The following LAYN variants were observed in gnomAD, a reference collection of about 807,000 sequenced individuals.
The protein encoded by LAYN is layilin.
Under a neutral mutation model 43.6 loss-of-function variants are expected in LAYN, and 38 were observed. The ratio of observed to expected loss-of-function variants is 0.87; its 90% CI spans 0.67 to 1.14. LAYN has a LOEUF of 1.14. LAYN is among the 50% of genes most tolerant of loss of function. The probability of loss-of-function intolerance (pLI) is 0.00; values close to 1 mark genes in which losing one functional copy is unlikely to be tolerated. For synonymous variants in LAYN, 168 were observed against 172.9 expected (o/e 0.97, Z 0.22); for missense variants, 479 against 463.8 (o/e 1.03, Z -0.30).
rs1397369978 is a variant in LAYN, at chr11:111,560,156, C to A, written c.823C>A (p.Gln275Lys). Residue 275 changes from glutamine to lysine, a missense_variant, in exon 7 of 7, where the codon CAG becomes AAG. Physicochemically the swap from Gln to Lys is moderately conservative, Grantham distance 53. Coordinates refer to ENST00000375614, the MANE Select transcript of LAYN (RefSeq NM_178834.5). ...KQHTIWPSPHQGNSPDLEVYN... is the reference protein window; with the variant it reads ...KQHTIWPSPHKGNSPDLEVYN... ...ACACACCATCTGGCCCTCTCCTCACCAGGGAAACAGCCCGGACCTAGAGGT... is the reference window on the plus strand; with the variant it reads ...ACACACCATCTGGCCCTCTCCTCACAAGGGAAACAGCCCGGACCTAGAGGT... The A allele has an allele frequency of 6.2e-7, 1 of 1,614,160 alleles. No homozygotes were observed. The highest frequency in any genetic ancestry group is 1.1e-5 in the South Asian group (1 of 91,076).
intron 3 of LAYN, chr11:111,551,518 G>T: frequency 2.3e-6 from 1 of 432,384 alleles, no homozygotes; most frequent in Non-Finnish European, 4.6e-6. Context: ...ACCTTAGCAT[G>T]CCAGAAGAGG....
At chr11:111,543,623 C>T (rs1376334484) in intron 1 of LAYN, among the ~76,000 whole-genome samples, 3 of 152,200 alleles carry the variant, frequency 2.0e-5, no homozygotes. Context: ...AACCATAAAT[C>T]TTCATCTACT....
chr11:111,557,698 T>G (rs1187441237), intron 6 of LAYN, 55 bp downstream of exon 6: 1 of 1,386,926 alleles, frequency 7.2e-7, no homozygotes, highest in African/African-American at 1.4e-5. Flanking sequence ...CTTTGAGATT[T>G]GGATATTGCC....
intron 3 of LAYN, among the ~76,000 whole-genome samples, chr11:111,551,945 T>C (rs188294645): frequency 1.3e-5 from 2 of 152,230 alleles, no homozygotes. Flanking sequence ...CAAAAATCTT[T>C]AGGAGTAAAG....
rs1342380470 is a variant in LAYN at position 111,561,463 on chromosome 11, T to G, written c.*1005T>G. 6.6e-6 allele frequency: 1 copy of G among 152,248 alleles called. No individual in the cohort carries two copies. The highest frequency in any genetic ancestry group is 2.1e-4 in the South Asian group (1 of 4,836). The allele number at this position is 152,248 out of a possible 1,614,324, so 9.4% of individuals were successfully genotyped here. A position where few individuals can be genotyped will look rare whatever the true frequency, so the allele number is the denominator to read the frequency against. ...TACTACACGTTGTTCTGTTTGCATG[T>G]TTGTTACTGCAGCATCAACATAACA... On this transcript the variant is annotated 3_prime_UTR_variant, in exon 7 of 7. Transcript: ENST00000375614.
chr11:111,561,501 A>G lies in LAYN; in HGVS notation c.*1043A>G, dbSNP rs1188256583. The G allele has an allele frequency of 1.3e-5, 2 of 152,214 alleles. No homozygotes were observed. Among genetic ancestry groups the G allele is most frequent in the Admixed American group, 6.5e-5 (1 of 15,288 alleles). 9.4% of individuals were successfully genotyped at this position (152,214 alleles called of 1,614,324 possible). A position where few individuals can be genotyped will look rare whatever the true frequency, so the allele number is the denominator to read the frequency against. ...CATCAACATAACATGACTAATAATG[A>G]TGACAGTTCTACCTTTTGTTGACAG... On this transcript the variant is annotated 3_prime_UTR_variant, in exon 7 of 7. Transcript: ENST00000375614.
At chr11:111,541,053 C>T (rs1165871988) in intron 1 of LAYN, 125 bp downstream of exon 1, 1 of 851,004 alleles carries the variant, frequency 1.2e-6, no homozygotes, top group Non-Finnish European at 1.8e-6. Context: ...CACTCCCAGA[C>T]GCAGCCCTTC....
intron 2 of LAYN, among the ~76,000 whole-genome samples, chr11:111,549,167 G>A (rs1302512038): frequency 1.3e-5 from 2 of 152,184 alleles, no homozygotes; most frequent in Non-Finnish European, 2.9e-5. Flanking sequence ...ACTTCCCAGG[G>A]CTGAAAAGGC....
intron 3 of LAYN, among the ~76,000 whole-genome samples, chr11:111,553,713 T>TACACACAC (rs1491119090): frequency 6.8e-5 from 6 of 87,988 alleles, no homozygotes; most frequent in African/African-American, 2.4e-4. Flanking sequence ...TTACATCACC[T>TACACACAC]ATACACACAC....
intron 3 of LAYN, among the ~76,000 whole-genome samples, chr11:111,553,993 A>T (rs1258259858): frequency 6.6e-6 from 1 of 152,184 alleles, no homozygotes; most frequent in Non-Finnish European, 1.5e-5. Context: ...TTCTCAAGAC[A>T]CTTTGAAATA....
At chr11:111,548,780 C>T (rs79487903) in intron 2 of LAYN, among the ~76,000 whole-genome samples, 2,981 of 152,288 alleles carry the variant, frequency 0.02, 101 homozygotes, top group African/African-American at 0.067. Context: ...GGAAACAGCT[C>T]AGGCAACTAA....
intron 3 of LAYN, among the ~76,000 whole-genome samples, 174 bp from the exon 4 acceptor site, chr11:111,554,387 C>T (rs750883639): frequency 1.3e-5 from 2 of 152,124 alleles, no homozygotes; most frequent in Non-Finnish European, 2.9e-5. Context: ...AGTCTTTGTG[C>T]AAAAGCAATT....
chr11:111,545,252 A>G (rs1482658950), intron 2 of LAYN, among the ~76,000 whole-genome samples: 8 of 152,104 alleles, frequency 5.3e-5, no homozygotes, highest in Non-Finnish European at 1.0e-4. Context: ...TACACTTCCT[A>G]TCAGTGCAGC....
rs956602101 is a variant in LAYN, at chr11:111,540,887, T to C, written c.44T>C (p.Leu15Pro). ...CTACAGGCCGTGCTGCTGGCCGTGC[T>C]GCTGGTGGGGCTGCGGGCCGCGACG... ...TALQAVLLAV[L>P]LVGLRAATGR... Residue 15 changes from leucine (L) to proline (P), a missense_variant, in exon 1 of 7, where the codon CTG (leucine) becomes CCG (proline). Transcript: ENST00000375614. The C allele has an allele frequency of 3.3e-6, 5 of 1,532,466 alleles. No individual in the cohort carries two copies. Among genetic ancestry groups the C allele is most frequent in the Non-Finnish European group, 4.4e-6 (5 of 1,145,720 alleles). 94.9% of individuals were successfully genotyped at this position (1,532,466 alleles called of 1,614,324 possible).
At chr11:111,540,980 C>G (rs1363676416) in intron 1 of LAYN, 52 bp downstream of exon 1, 2 of 1,483,456 alleles carry the variant, frequency 1.3e-6, no homozygotes, top group Non-Finnish European at 1.8e-6. Context: ...CTCACTGCAC[C>G]CCAGCTGCTG....
intron 3 of LAYN, among the ~76,000 whole-genome samples, chr11:111,552,585 C>T (rs1867763123): frequency 6.6e-6 from 1 of 152,234 alleles, no homozygotes; most frequent in Non-Finnish European, 1.5e-5. Flanking sequence ...CAGGCATATT[C>T]AGTGAATATC....
At chr11:111,552,988 T>G (rs1428433233) in intron 3 of LAYN, among the ~76,000 whole-genome samples, 1 of 152,122 alleles carries the variant, frequency 6.6e-6, no homozygotes, top group African/African-American at 2.4e-5. Flanking sequence ...TTACTTAATC[T>G]CCCCGAATCT....
rs775367326 is a variant in LAYN at position 111,541,551 on chromosome 11, T to A, written c.85+623T>A. 7 of 1,536,338 alleles carry A rather than the reference T, an allele frequency of 4.6e-6. 1 individual carries two copies. In the South Asian group the frequency reaches 7.1e-5, roughly 16 times the overall value. ...ACTCTCTGCTTCCTTCCTCCTGTTG[T>A]GTCACTGCAGCCTCGGATTTGGACC... On this transcript the variant is annotated intron_variant, in intron 1 of 6. Coordinates refer to ENST00000375614, the MANE Select transcript of LAYN (RefSeq NM_178834.5).
At chr11:111,541,185 G>C (rs1195108778) in intron 1 of LAYN, 1 of 592,954 alleles carries the variant, frequency 1.7e-6, no homozygotes, top group Non-Finnish European at 3.0e-6. Flanking sequence ...AGAGTTATGG[G>C]GGTGGGTTGG....
Sources: allele counts gnomAD v4.1 joint callset (sites outside exome capture counted in the v4.1 genomes callset), GRCh38; gene constraint gnomAD v4.1.1; transcripts MANE v1.5; gene names NCBI Gene and HGNC (gene_info 2026-07-23, HGNC 2026-07-21).